The following SPTBN1 variants were observed in gnomAD, a reference collection of about 807,000 sequenced individuals.
The protein encoded by SPTBN1 is spectrin beta chain, non-erythrocytic 1.
In SPTBN1, 32 loss-of-function variants were observed where a neutral mutation model predicts 266.4. That is an observed-to-expected ratio of 0.12 (90% CI 0.09 to 0.16). The LOEUF is 0.16. Among genes scored for constraint, SPTBN1 ranks in the 10% least tolerant of loss-of-function variants. SPTBN1 has a pLI of 1.00. For missense variants in SPTBN1, 2,296 were observed against 3,067.1 expected, an observed-to-expected ratio of 0.75 and a Z score of 5.94; for synonymous variants, 1,336 against 1,162.2, an observed-to-expected ratio of 1.15 and a Z score of -3.04.
At chr2:54,487,170 C>CTTTTTTTTT (rs34779689) in intron 1 of SPTBN1, among the ~76,000 whole-genome samples, 5 of 98,572 alleles carry the variant, frequency 5.1e-5, no homozygotes, top group South Asian at 3.3e-4. Flanking sequence ...ATTAGGATTT[C>CTTTTTTTTT]TTTTTTTTTT....
In SPTBN1 at chr2:54,558,765, T is replaced by C. The variant is rs199590979; in HGVS notation, c.148+32199T>C. 529 of 1,609,894 alleles carry C rather than the reference T, an allele frequency of 3.3e-4. 1 individual carries two copies. The African/African-American group carries it at 6.3e-3, about 19-fold the overall frequency. ...TTCCAGGGCGCAGTCCTCCGGGGCG[T>C]TACGCCGGGCATAATGGAATTGCAG... is the stretch of plus-strand genomic sequence containing the variant. On this transcript the variant is annotated intron_variant, in intron 2 of 35. Coordinates refer to ENST00000356805, the MANE Select transcript of SPTBN1 (RefSeq NM_003128.3). The surrounding 1 kb of genome is among the most constrained non-coding windows in gnomAD (Gnocchi z 4.6).
In SPTBN1 at chr2:54,653,739, G is replaced by A. The variant is rs781433605; in HGVS notation, c.5708G>A (p.Arg1903His). ...WKSLLDACESRRVRLVDTGDK... is the reference protein window; with the variant it reads ...WKSLLDACESHRVRLVDTGDK... The stretch of plus-strand genomic sequence containing the variant: ...TCCCTCCTGGACGCCTGTGAGAGCC[G>A]CAGGGTGCGGCTGGTGGACACAGGG... The change falls in exon 27 of 36, where the codon CGC becomes CAC. Residue 1903 changes from arginine to histidine, a missense_variant. Arg to His is a conservative substitution (Grantham distance 29, BLOSUM62 0). This residue lies in a region of SPTBN1 where 644 missense variants were observed against 745.3 expected (regional missense o/e 0.86). Coordinates refer to ENST00000356805, the MANE Select transcript of SPTBN1 (RefSeq NM_003128.3). This position sits in a 1 kb window ranked among gnomAD's most constrained non-coding sequence, Gnocchi z 5.1. 8 of 1,614,208 alleles carry A rather than the reference G, an allele frequency of 5.0e-6. No homozygotes were observed. Among genetic ancestry groups the A allele is most frequent in the Non-Finnish European group, 6.8e-6 (8 of 1,180,018 alleles).
At chr2:54,636,256 C>T (rs1452487048) in intron 17 of SPTBN1, among the ~76,000 whole-genome samples, 1 of 151,970 alleles carries the variant, frequency 6.6e-6, no homozygotes, top group African/African-American at 2.4e-5. Flanking sequence ...CTATGGAACT[C>T]CTTTCAACTT....
chr2:54,647,452 T>C (rs550206548), intron 24 of SPTBN1, among the ~76,000 whole-genome samples, 191 bp downstream of exon 24: 1 of 152,346 alleles, frequency 6.6e-6, no homozygotes, highest in Non-Finnish European at 1.5e-5. Context: ...TGAACTGTTA[T>C]ATTAGGAAAT....
chr2:54,585,176 A>G lies in SPTBN1; in HGVS notation c.149-13916A>G, dbSNP rs1438757458. Among the ~76,000 whole-genome samples, 4 of 152,356 alleles carry G rather than the reference A, an allele frequency of 2.6e-5. No homozygotes were observed. In the East Asian group the frequency reaches 5.8e-4, roughly 22 times the overall value. On this transcript the variant is annotated intron_variant, in intron 2 of 35. Coordinates refer to ENST00000356805, the MANE Select transcript of SPTBN1 (RefSeq NM_003128.3). ...ACAGATGACCAGTTTTAAGCTTAGA[A>G]GATTCAATATGACCAAGACCATACA...
chr2:54,547,325 T>C (rs1204798214), intron 2 of SPTBN1, among the ~76,000 whole-genome samples: 1 of 152,262 alleles, frequency 6.6e-6, no homozygotes, highest in Non-Finnish European at 1.5e-5. Flanking sequence ...TAATATTCAA[T>C]TATATGTATA....
intron 3 of SPTBN1, among the ~76,000 whole-genome samples, chr2:54,611,680 C>A (rs1677226400): frequency 2.6e-5 from 4 of 152,112 alleles, no homozygotes; most frequent in Admixed American, 2.0e-4. Context: ...ACACAACCAC[C>A]ACTTGGAAAT....
At position 54,637,719 on chromosome 2, in the gene SPTBN1, G is replaced by C. The variant is rs759038113; in HGVS notation, c.3774G>C (p.Arg1258Ser). The C allele has an allele frequency of 6.2e-7, 1 of 1,612,884 alleles. No homozygotes were observed. The highest frequency in any genetic ancestry group is 1.1e-5 in the South Asian group (1 of 90,914). The change falls in exon 18 of 36, where the codon AGG (arginine) becomes AGC (serine). Residue 1258 changes from arginine (R) to serine (S), a missense_variant. Coordinates refer to ENST00000356805, the MANE Select transcript of SPTBN1 (RefSeq NM_003128.3). The part of the protein sequence containing the change: ...EKVDSIDDRH[R>S]KNRETASELL... ...TTTGTTACCATTCTAATAGACATAGGAAGAATCGTGAGACAGCCAGTGAAC... is the reference window on the plus strand; with the variant it reads ...TTTGTTACCATTCTAATAGACATAGCAAGAATCGTGAGACAGCCAGTGAAC...
chr2:54,587,567 T>C (rs1011873177), intron 2 of SPTBN1, among the ~76,000 whole-genome samples: 2 of 152,208 alleles, frequency 1.3e-5, no homozygotes, highest in African/African-American at 4.8e-5. Flanking sequence ...CCACCTTGGA[T>C]TGAAGTCCCC....
In SPTBN1 at chr2:54,616,196, G is replaced by C; in HGVS notation, c.475-11G>C. On this transcript the variant is annotated splice_polypyrimidine_tract_variant and intron_variant, in intron 4 of 35. Coordinates refer to ENST00000356805, the MANE Select transcript of SPTBN1 (RefSeq NM_003128.3). ...CCATCTATTTGTCTAATATTTCTTT[G>C]TAAATCTTAGATCCAGGATATCAGT... The C allele has an allele frequency of 6.2e-7, 1 of 1,611,434 alleles. No homozygotes were observed. Among genetic ancestry groups the C allele is most frequent in the Non-Finnish European group, 8.5e-7 (1 of 1,178,094 alleles).
At chr2:54,472,020 A>ATT (rs1420661034) in intron 1 of SPTBN1, among the ~76,000 whole-genome samples, 17 of 48,482 alleles carry the variant, frequency 3.5e-4, no homozygotes, top group East Asian at 3.3e-3. Flanking sequence ...GGCCCTGAAG[A>ATT]TGTTTTTTTT....
intron 1 of SPTBN1, among the ~76,000 whole-genome samples, chr2:54,498,496 T>C (rs1669088117): frequency 6.6e-6 from 1 of 152,186 alleles, no homozygotes; most frequent in Admixed American, 6.5e-5. Context: ...CACAGTTTTC[T>C]CATTTGTAAA....
intron 1 of SPTBN1, among the ~76,000 whole-genome samples, chr2:54,487,059 C>T (rs1479365969): frequency 6.6e-6 from 1 of 151,968 alleles, no homozygotes; most frequent in Non-Finnish European, 1.5e-5. Context: ...CTTACATAAC[C>T]ATCAATTCTG....
intron 34 of SPTBN1, among the ~76,000 whole-genome samples, chr2:54,667,019 C>T (rs945086463): frequency 1.3e-5 from 2 of 152,200 alleles, no homozygotes; most frequent in Non-Finnish European, 2.9e-5. Flanking sequence ...GCGAACGGCC[C>T]CTACCCTGTG....
At chr2:54,536,360 G>C (rs1477555746) in intron 2 of SPTBN1, among the ~76,000 whole-genome samples, 2 of 152,166 alleles carry the variant, frequency 1.3e-5, no homozygotes, top group South Asian at 4.1e-4. Context: ...CAGCTCTCTA[G>C]AATTTTATTT....
intron 1 of SPTBN1, among the ~76,000 whole-genome samples, chr2:54,458,277 A>G (rs1573188584): frequency 6.6e-6 from 1 of 152,204 alleles, no homozygotes; most frequent in East Asian, 1.9e-4. Flanking sequence ...AAAATTCAGT[A>G]GGTTGTTTTA....
At chr2:54,460,145 G>C (rs981088255) in intron 1 of SPTBN1, among the ~76,000 whole-genome samples, 6 of 152,188 alleles carry the variant, frequency 3.9e-5, no homozygotes, top group Non-Finnish European at 7.3e-5. Flanking sequence ...TCTGAACTCA[G>C]CCAATCGGAA....
chr2:54,636,150 A>G (rs1035347552), intron 17 of SPTBN1, among the ~76,000 whole-genome samples: 20 of 152,170 alleles, frequency 1.3e-4, no homozygotes, highest in Non-Finnish European at 5.9e-5. Context: ...TTTAATATGT[A>G]TAAACTATTT....
chr2:54,550,573 G>T (rs1672511550), intron 2 of SPTBN1, among the ~76,000 whole-genome samples: 1 of 152,176 alleles, frequency 6.6e-6, no homozygotes, highest in Non-Finnish European at 1.5e-5. Flanking sequence ...CATTAAAATT[G>T]CATAGATAAG....
Sources: allele counts gnomAD v4.1 joint callset (sites outside exome capture counted in the v4.1 genomes callset), GRCh38; gene constraint gnomAD v4.1.1; regional missense constraint gnomAD v4.1.1; non-coding constraint Gnocchi (gnomAD v3.1); transcripts MANE v1.5; gene names NCBI Gene and HGNC (gene_info 2026-07-23, HGNC 2026-07-21).